The following UNC13B variants were observed in gnomAD, a reference collection of about 807,000 sequenced individuals.
UNC13B encodes the protein unc-13 homolog B, also known as protein unc-13 homolog B.
A neutral mutation model predicts 211.0 loss-of-function variants in UNC13B; 144 were observed. The observed-to-expected ratio is 0.68, with a 90% CI of 0.60 to 0.78. UNC13B has a LOEUF of 0.78. Ranked by LOEUF, UNC13B falls within the 30% of genes least tolerant of loss-of-function variation. The pLI, the probability that UNC13B is intolerant of heterozygous loss-of-function variation, is 0.00. For synonymous variants in UNC13B, 709 were observed against 725.8 expected (o/e 0.98, Z 0.37); for missense variants, 1,777 against 2,002.0 (o/e 0.89, Z 2.14).
chr9:35,362,006 A>G (rs530282920), intron 11 of UNC13B: 3 of 152,376 alleles, frequency 2.0e-5, no homozygotes, highest in South Asian at 2.1e-4. Flanking sequence ...TTTATGTGCT[A>G]CAGTAAGCAA....
At chr9:35,232,379 A>G (rs1002607459) in intron 3 of UNC13B, among the ~76,000 whole-genome samples, 1 of 150,896 alleles carries the variant, frequency 6.6e-6, no homozygotes, top group Admixed American at 6.6e-5. Context: ...ATGGGGTTTC[A>G]CTATGTTGCC....
chr9:35,258,894 A>G, intron 6 of UNC13B, 99 bp from the exon 7 acceptor site: 1 of 1,282,318 alleles, frequency 7.8e-7, no homozygotes, highest in East Asian at 2.4e-5. Context: ...TTTGTTTCCA[A>G]ACACTAAACC....
intron 11 of UNC13B, among the ~76,000 whole-genome samples, chr9:35,339,003 T>C (rs929054002): frequency 1.3e-5 from 2 of 152,180 alleles, no homozygotes; most frequent in African/African-American, 4.8e-5. Context: ...GTTTTCTGAC[T>C]AACCCACCCA....
intron 1 of UNC13B, among the ~76,000 whole-genome samples, chr9:35,167,090 T>G (rs1821075957): frequency 6.6e-6 from 1 of 152,194 alleles, no homozygotes; most frequent in Non-Finnish European, 1.5e-5. Context: ...TTTATTTTTA[T>G]TTTTTGAGAC....
chr9:35,185,848 G>A (rs1039325232), intron 1 of UNC13B, among the ~76,000 whole-genome samples: 4 of 151,354 alleles, frequency 2.6e-5, no homozygotes, highest in African/African-American at 9.7e-5. Context: ...AGCTCTAGAT[G>A]TAGAGACTGC....
At chr9:35,180,611 C>G (rs1166601846) in intron 1 of UNC13B, among the ~76,000 whole-genome samples, 1 of 152,066 alleles carries the variant, frequency 6.6e-6, no homozygotes, top group Non-Finnish European at 1.5e-5. Flanking sequence ...GAATCTGTTT[C>G]AATTTTATAC....
At chr9:35,336,402 G>A (rs553225485) in intron 11 of UNC13B, among the ~76,000 whole-genome samples, 2 of 152,270 alleles carry the variant, frequency 1.3e-5, no homozygotes, top group South Asian at 2.1e-4. Context: ...CCCCCGTTAG[G>A]TTATGAACTT....
intron 36 of UNC13B, 71 bp from the exon 37 acceptor site, chr9:35,400,225 C>T: frequency 6.3e-7 from 1 of 1,575,966 alleles, no homozygotes; most frequent in Non-Finnish European, 8.6e-7. Context: ...TCTTGCTTCT[C>T]TGAGGACAAT....
chr9:35,183,274 C>T (rs1822075535), intron 1 of UNC13B, among the ~76,000 whole-genome samples: 1 of 132,172 alleles, frequency 7.6e-6, no homozygotes, highest in African/African-American at 2.9e-5. Flanking sequence ...CCTCACCTCC[C>T]AGGCGGGGTG....
intron 11 of UNC13B, among the ~76,000 whole-genome samples, chr9:35,360,175 T>G (rs1833315858): frequency 6.6e-6 from 1 of 152,278 alleles, no homozygotes. Flanking sequence ...AACCATTTTT[T>G]GGATTTTTAA....
Position 35,389,947 on chromosome 9 carries a change from G to C in UNC13B, c.11196G>C (p.Lys3732Asn), listed in dbSNP as rs190693606. 242 of 1,614,096 alleles carry C rather than the reference G, an allele frequency of 1.5e-4. No homozygotes were observed. In the East Asian group the frequency reaches 4.1e-3, roughly 27 times the overall value. The change falls in exon 25 of 40, where the codon AAG becomes AAC. Residue 3732 changes from lysine (K) to asparagine (N), a missense_variant. Lys to Asn is a moderately conservative substitution (Grantham distance 94). Coordinates refer to ENST00000635942, the MANE Select transcript of UNC13B (RefSeq NM_001371189.2). ...TLIVSIIEED[K>N]NSYTPVLNQF... ...TCGTGTCAATCATAGAGGAAGATAA[G>C]AATTCCTACACACCTGTTCTGAACC...
Position 35,404,110 on chromosome 9 carries a change from G to A in UNC13B, c.*77G>A, listed in dbSNP as rs1205890195. On this transcript the variant is annotated 3_prime_UTR_variant, in exon 40 of 40. Transcript: ENST00000635942. ...CCAGTGGGAGTTAGCTGTGTAACCG[G>A]CTTAGGGTCTTTGCAGTCAAGAGGC... 1 of 1,536,370 alleles carries A rather than the reference G, an allele frequency of 6.5e-7. No homozygotes were observed. The highest frequency in any genetic ancestry group is 8.8e-7 in the Non-Finnish European group (1 of 1,142,780).
rs1410105817 is a variant in UNC13B at position 35,381,206 on chromosome 9, T to C, written c.10482T>C (p.Cys3494=). 6.2e-7 allele frequency: 1 copy of C among 1,613,140 alleles called. No homozygotes were observed. The highest frequency in any genetic ancestry group is 1.3e-5 in the African/African-American group (1 of 74,870). The change falls in exon 19 of 40, where the codon TGT becomes TGC. Residue 3494 remains cysteine (C), a synonymous_variant. Transcript: ENST00000635942. ...KVAPYHVQYT[C]LHENLFHYLT... ...CCCCATACCACGTGCAGTATACATG[T>C]CTCCATGAGGTGAGCCAGCCCTTGG...
At chr9:35,282,199 G>C (rs1828534905) in intron 7 of UNC13B, among the ~76,000 whole-genome samples, 1 of 152,042 alleles carries the variant, frequency 6.6e-6, no homozygotes, top group South Asian at 2.1e-4. Flanking sequence ...ATTAGTATAA[G>C]GTAGGTAAAA....
chr9:35,289,112 A>G (rs1361801668), intron 7 of UNC13B, among the ~76,000 whole-genome samples: 2 of 152,180 alleles, frequency 1.3e-5, no homozygotes, highest in East Asian at 1.9e-4. Context: ...GGTGAGAAGA[A>G]GAGACATAGG....
chr9:35,171,942 A>C (rs762656340), intron 1 of UNC13B, among the ~76,000 whole-genome samples: 1 of 152,220 alleles, frequency 6.6e-6, no homozygotes, highest in African/African-American at 2.4e-5. Flanking sequence ...AAATTTCTTG[A>C]TGAAATTTGA....
intron 1 of UNC13B, among the ~76,000 whole-genome samples, chr9:35,216,967 G>T (rs955650630): frequency 5.9e-5 from 9 of 152,278 alleles, no homozygotes; most frequent in Middle Eastern, 3.4e-3. Context: ...ATGACAAAAT[G>T]ATGGAGATGG....
At chr9:35,315,770 C>T (rs531560252) in intron 11 of UNC13B, among the ~76,000 whole-genome samples, 2 of 152,290 alleles carry the variant, frequency 1.3e-5, no homozygotes, top group East Asian at 1.9e-4. Flanking sequence ...TCTTTAGCTT[C>T]GTTCGGTGTT....
At chr9:35,403,097 A>ACCTCCTCACC (rs1836430307) in intron 37 of UNC13B, 70 bp from the exon 38 acceptor site, 1 of 1,438,702 alleles carries the variant, frequency 7.0e-7, no homozygotes, top group East Asian at 2.3e-5. Flanking sequence ...TAGGGTGGTG[A>ACCTCCTCACC]CCTCCTCACC....
Sources: allele counts gnomAD v4.1 joint callset (sites outside exome capture counted in the v4.1 genomes callset), GRCh38; gene constraint gnomAD v4.1.1; transcripts MANE v1.5; gene names NCBI Gene and HGNC (gene_info 2026-07-23, HGNC 2026-07-21).